Variants in CHCHD6 observed in about 807,000 individuals in gnomAD.
CHCHD6 encodes MICOS complex subunit MIC25.
Under a neutral mutation model 32.3 loss-of-function variants are expected in CHCHD6, and 28 were observed. The ratio of observed to expected loss-of-function variants is 0.87; its 90% confidence interval spans 0.64 to 1.19. The LOEUF (loss-of-function observed/expected upper bound fraction) is 1.19, where lower values mean the gene tolerates loss of function less well. CHCHD6 is among the 50% of genes most tolerant of loss of function. The pLI is 0.00. For synonymous variants in CHCHD6, 122 were observed against 117.5 expected, an observed-to-expected ratio of 1.04 and a Z score of -0.25; for missense variants, 333 against 307.0, an observed-to-expected ratio of 1.08 and a Z score of -0.63.
intron 1 of CHCHD6, among the ~76,000 whole-genome samples, chr3:126,726,023 C>G (rs1935517378): frequency 6.6e-6 from 1 of 152,226 alleles, no homozygotes; most frequent in South Asian, 2.1e-4. Context: ...AGGAGTAGCA[C>G]ATGTAACTTC....
At position 126,875,411 on chromosome 3, in the gene CHCHD6, G is replaced by T. The variant is rs116563457; in HGVS notation, c.495+22681G>T. Among the ~76,000 whole-genome samples, 150 of 152,370 alleles carry T rather than the reference G, an allele frequency of 9.8e-4. 1 individual carries two copies. Among genetic ancestry groups the T allele is most frequent in the African/African-American group, 3.4e-3 (140 of 41,588 alleles). On this transcript the variant is annotated intron_variant, in intron 5 of 7. Coordinates refer to ENST00000290913, the MANE Select transcript of CHCHD6 (RefSeq NM_032343.3). Reference sequence around the variant, plus strand: ...CTGGGACTGTTGGGGAGCACATGGAGAGCTGGCACGTAGAGCCTCTAGCTG... The same window carrying T: ...CTGGGACTGTTGGGGAGCACATGGATAGCTGGCACGTAGAGCCTCTAGCTG...
chr3:126,821,891 C>A (rs1940171719), intron 4 of CHCHD6, among the ~76,000 whole-genome samples: 1 of 152,156 alleles, frequency 6.6e-6, no homozygotes, highest in African/African-American at 2.4e-5. Context: ...AATGTCTATT[C>A]AATTCCTTTG....
rs1937408844 is a variant in CHCHD6, at chr3:126,767,200, G to A, written c.411+33978G>A. On this transcript the variant is annotated intron_variant, in intron 4 of 7. Coordinates refer to ENST00000290913, the MANE Select transcript of CHCHD6 (RefSeq NM_032343.3). ...TTATCATACTGAATTCAGCCCCAAA[G>A]GCCATTTTGGTAATTGGCTGGCCAT... 6 of 1,585,370 alleles carry A rather than the reference G, an allele frequency of 3.8e-6. No homozygotes were observed. The South Asian group carries it at 5.5e-5, about 15-fold the overall frequency.
chr3:126,921,636 G>A (rs564989874), intron 6 of CHCHD6, among the ~76,000 whole-genome samples: 2 of 152,318 alleles, frequency 1.3e-5, no homozygotes, highest in African/African-American at 4.8e-5. Flanking sequence ...GTTGAAGGAA[G>A]AAGGTTATTA....
chr3:126,804,213 G>C (rs1939236159), intron 4 of CHCHD6, among the ~76,000 whole-genome samples: 4 of 152,016 alleles, frequency 2.6e-5, no homozygotes, highest in South Asian at 4.2e-4. Flanking sequence ...TAACTAAAAT[G>C]AGAGCAGAAC....
At chr3:126,858,139 A>C (rs1941726132) in intron 5 of CHCHD6, among the ~76,000 whole-genome samples, 1 of 152,150 alleles carries the variant, frequency 6.6e-6, no homozygotes, top group Non-Finnish European at 1.5e-5. Flanking sequence ...CTCCAGACAC[A>C]CTGCTGAGGA....
chr3:126,823,983 G>A (rs1940269008), intron 4 of CHCHD6, among the ~76,000 whole-genome samples: 1 of 152,184 alleles, frequency 6.6e-6, no homozygotes, highest in African/African-American at 2.4e-5. Context: ...GCTGAAGCAG[G>A]AGGTTCACAT....
intron 2 of CHCHD6, among the ~76,000 whole-genome samples, chr3:126,729,576 C>T (rs772263136): frequency 7.9e-5 from 12 of 152,136 alleles, no homozygotes; most frequent in Admixed American, 3.9e-4. Context: ...GATGAAACCC[C>T]GCAGCAGGCT....
intron 1 of CHCHD6, among the ~76,000 whole-genome samples, chr3:126,720,662 C>A (rs1037203102): frequency 6.6e-6 from 1 of 152,192 alleles, no homozygotes; most frequent in African/African-American, 2.4e-5. Context: ...TTTTGTTCAG[C>A]CTGTGTTCCC....
At chr3:126,930,600 T>G (rs576566552) in intron 6 of CHCHD6, among the ~76,000 whole-genome samples, 3 of 152,338 alleles carry the variant, frequency 2.0e-5, no homozygotes, top group African/African-American at 7.2e-5. Flanking sequence ...GCAGAAAACC[T>G]AAAGTCAAAT....
chr3:126,799,141 G>A (rs1467512042), intron 4 of CHCHD6, among the ~76,000 whole-genome samples: 1 of 152,174 alleles, frequency 6.6e-6, no homozygotes, highest in Admixed American at 6.5e-5. Flanking sequence ...GGCAGAGTCT[G>A]TGTTTTTGTC....
At chr3:126,732,952 C>T in intron 3 of CHCHD6, 126 bp from the exon 4 acceptor site, 1 of 1,051,278 alleles carries the variant, frequency 9.5e-7, no homozygotes, top group Non-Finnish European at 1.4e-6. Flanking sequence ...CTCTCCTTTC[C>T]TGACCAGCCG....
chr3:126,844,121 T>G (rs538495499), intron 4 of CHCHD6, among the ~76,000 whole-genome samples: 2 of 152,354 alleles, frequency 1.3e-5, no homozygotes, highest in South Asian at 4.1e-4. Flanking sequence ...CCTTTTAAAC[T>G]TATTAGCTCA....
intron 5 of CHCHD6, among the ~76,000 whole-genome samples, chr3:126,882,428 T>C (rs1229117798): frequency 6.6e-6 from 1 of 152,222 alleles, no homozygotes; most frequent in East Asian, 1.9e-4. Flanking sequence ...GAAACAGAAG[T>C]CCTGGTTCTC....
chr3:126,875,103 GTTTCCTAGCCC>G (rs1189026686), intron 5 of CHCHD6, among the ~76,000 whole-genome samples: 1 of 152,252 alleles, frequency 6.6e-6, no homozygotes, highest in African/African-American at 2.4e-5. Flanking sequence ...GGAGCTCAGT[GTTTCCTAGCCC>G]CTGTGTTGGC....
In CHCHD6 at chr3:126,850,187, G is replaced by T. The variant is rs540101260; in HGVS notation, c.412-2460G>T. ...GCTTTGTAGCAGATGAATTAGAGACGGTGAGCTCACCACCCTGGTGGCTCA... is the reference window on the plus strand; with the variant it reads ...GCTTTGTAGCAGATGAATTAGAGACTGTGAGCTCACCACCCTGGTGGCTCA... On this transcript the variant is annotated intron_variant, in intron 4 of 7. Coordinates refer to ENST00000290913, the MANE Select transcript of CHCHD6 (RefSeq NM_032343.3). Among the ~76,000 whole-genome samples, 5 of 152,306 alleles carry T rather than the reference G, an allele frequency of 3.3e-5. No homozygotes were observed. In the East Asian group the frequency reaches 5.8e-4, roughly 18 times the overall value.
chr3:126,920,779 G>C lies in CHCHD6; in HGVS notation c.566+6029G>C, dbSNP rs542560573. Among the ~76,000 whole-genome samples the C allele has an allele frequency of 2.6e-5, 4 of 152,300 alleles. No individual in the cohort carries two copies. In the East Asian group the frequency reaches 7.7e-4, roughly 29 times the overall value. On this transcript the variant is annotated intron_variant, in intron 6 of 7. Coordinates refer to ENST00000290913, the MANE Select transcript of CHCHD6 (RefSeq NM_032343.3). ...CAGCTTTTCTTGCCTTTCAGCTGAA[G>C]CTATTTGCCTGACATTCACCCTGTC...
chr3:126,932,168 C>A (rs748988159), intron 6 of CHCHD6, among the ~76,000 whole-genome samples: 7 of 152,162 alleles, frequency 4.6e-5, no homozygotes, highest in Non-Finnish European at 8.8e-5. Context: ...CTTCACCATG[C>A]CCTGCTGCCC....
At chr3:126,875,134 G>A (rs1042127770) in intron 5 of CHCHD6, among the ~76,000 whole-genome samples, 9 of 152,236 alleles carry the variant, frequency 5.9e-5, no homozygotes, top group Non-Finnish European at 1.5e-5. Flanking sequence ...CTGCACCATC[G>A]TGAGACTGGT....
Sources: allele counts gnomAD v4.1 joint callset (sites outside exome capture counted in the v4.1 genomes callset), GRCh38; gene constraint gnomAD v4.1.1; transcripts MANE v1.5; gene names NCBI Gene and HGNC (gene_info 2026-07-23, HGNC 2026-07-21).